Variants in CSMD2 observed in about 807,000 individuals in gnomAD.
CSMD2 encodes CUB and sushi domain-containing protein 2.
A neutral mutation model predicts 398.5 loss-of-function variants in CSMD2; 130 were observed. The observed-to-expected ratio is 0.33, with a 90% confidence interval of 0.28 to 0.38. The LOEUF is 0.38. Among genes scored for constraint, CSMD2 ranks in the 10% least tolerant of loss-of-function variants. The probability of loss-of-function intolerance (pLI) is 1.00; values close to 1 mark genes in which losing one functional copy is unlikely to be tolerated. For synonymous variants in CSMD2, 1,828 were observed against 1,908.5 expected, an observed-to-expected ratio of 0.96 and a Z score of 1.10; for missense variants, 3,829 against 4,764.9, an observed-to-expected ratio of 0.80 and a Z score of 5.78.
At chr1:33,850,758 T>C (rs892502687) in intron 5 of CSMD2, among the ~76,000 whole-genome samples, 1 of 152,202 alleles carries the variant, frequency 6.6e-6, no homozygotes, top group African/African-American at 2.4e-5. Flanking sequence ...CAATTTTTTT[T>C]TTCTTTTTGG....
intron 25 of CSMD2, among the ~76,000 whole-genome samples, chr1:33,668,688 C>T (rs1225647811): frequency 6.6e-6 from 1 of 152,140 alleles, no homozygotes; most frequent in Non-Finnish European, 1.5e-5. Context: ...GTACTGTGCC[C>T]CTAGGTAGGA....
chr1:34,024,421 G>A (rs1239591376), intron 3 of CSMD2, among the ~76,000 whole-genome samples: 1 of 152,208 alleles, frequency 6.6e-6, no homozygotes, highest in Non-Finnish European at 1.5e-5. Context: ...TCATCTTAAA[G>A]CTATGTTAAT....
At chr1:34,000,271 G>A (rs1000901626) in intron 3 of CSMD2, among the ~76,000 whole-genome samples, 22 of 152,000 alleles carry the variant, frequency 1.4e-4, no homozygotes, top group African/African-American at 3.6e-4. Context: ...AGTGTCCCGC[G>A]GAAACCTCTT....
rs558831771 is a variant in CSMD2, at chr1:33,768,533, T to C, written c.1846+4036A>G. Among the ~76,000 whole-genome samples the C allele has an allele frequency of 2.5e-4, 30 of 118,368 alleles. No homozygotes were observed. In the South Asian group the frequency reaches 7.8e-3, roughly 31 times the overall value. 77.7% of individuals were successfully genotyped at this position (118,368 alleles called of 152,430 possible). On this transcript the variant is annotated intron_variant, in intron 13 of 70. Transcript: ENST00000373381. ...CCCAATTCATCCCGGAATGTGTGCGTGCATGTGTGTGTGTGTGTGTGTGTG... is the reference window on the plus strand; with the variant it reads ...CCCAATTCATCCCGGAATGTGTGCGCGCATGTGTGTGTGTGTGTGTGTGTG...
At chr1:33,845,329 T>A (rs1184470781) in intron 6 of CSMD2, among the ~76,000 whole-genome samples, 1 of 152,148 alleles carries the variant, frequency 6.6e-6, no homozygotes, top group African/African-American at 2.4e-5. Context: ...CACTTTACTG[T>A]GGGGAGTACT....
At chr1:33,647,023 A>T (rs1042537236) in intron 28 of CSMD2, among the ~76,000 whole-genome samples, 188 bp from the exon 29 acceptor site, 2 of 152,158 alleles carry the variant, frequency 1.3e-5, no homozygotes, top group African/African-American at 4.8e-5. Flanking sequence ...GTCAGGTGAG[A>T]AGATGGAAGA....
rs745495781 is a variant in CSMD2, at chr1:33,665,460, CTTTTTTT to C, written c.4053-2375_4053-2369del. ...GACTTGTATAGTTTCTTTCTTCTCT[CTTTTTTT>C]TTTTTTTTTTTTTTTTTTTGCGACA... On this transcript the variant is annotated intron_variant, in intron 25 of 70. Transcript: ENST00000373381. 1.3e-3 allele frequency among the ~76,000 whole-genome samples: 94 copies of C among 73,920 alleles called. 1 individual carries two copies. In the East Asian group the frequency reaches 0.021, roughly 17 times the overall value. 48.5% of individuals were successfully genotyped at this position (73,920 alleles called of 152,430 possible). A position where few individuals can be genotyped will look rare whatever the true frequency, so the allele number is the denominator to read the frequency against.
chr1:34,024,980 T>C (rs773378500), intron 3 of CSMD2, among the ~76,000 whole-genome samples: 7 of 152,316 alleles, frequency 4.6e-5, no homozygotes, highest in Admixed American at 6.5e-5. Context: ...ATTTCTCCCA[T>C]GTACTTGCTT....
chr1:33,885,191 A>G (rs1309799416), intron 5 of CSMD2: 5 of 152,218 alleles, frequency 3.3e-5, no homozygotes, highest in African/African-American at 1.2e-4. Flanking sequence ...TTAAGCCCAC[A>G]TTGTTTGACT....
intron 57 of CSMD2, among the ~76,000 whole-genome samples, chr1:33,543,709 C>T (rs1314751140): frequency 6.6e-6 from 1 of 152,204 alleles, no homozygotes; most frequent in Non-Finnish European, 1.5e-5. Flanking sequence ...CTAATTCTAT[C>T]CTTCTTTCTG....
chr1:33,775,961 A>G (rs1651911383), intron 12 of CSMD2, among the ~76,000 whole-genome samples: 1 of 152,192 alleles, frequency 6.6e-6, no homozygotes. Context: ...AAGTTTACAT[A>G]GGATTGAAAA....
chr1:33,580,678 G>A (rs1195789902), intron 48 of CSMD2, 75 bp downstream of exon 48: 55 of 1,535,536 alleles, frequency 3.6e-5, no homozygotes, highest in East Asian at 6.9e-5. Context: ...GGGAATGGCC[G>A]CCCGGTCTCC....
intron 13 of CSMD2, among the ~76,000 whole-genome samples, chr1:33,750,718 C>G (rs112232047): frequency 1.3e-5 from 2 of 152,088 alleles, no homozygotes; most frequent in African/African-American, 4.8e-5. Flanking sequence ...TTGAAATTAG[C>G]AGAGAGAGGG....
At chr1:33,724,779 T>A in intron 17 of CSMD2, 75 bp from the exon 18 acceptor site, 1 of 1,359,226 alleles carries the variant, frequency 7.4e-7, no homozygotes, top group Non-Finnish European at 1.0e-6. Context: ...CTCCAAAGAG[T>A]AAGAAGAGAG....
intron 2 of CSMD2, among the ~76,000 whole-genome samples, chr1:34,065,432 A>C (rs1397699176): frequency 6.6e-6 from 1 of 152,056 alleles, no homozygotes; most frequent in African/African-American, 2.4e-5. Flanking sequence ...CACATTCTAA[A>C]CCATCCCCAA....
At chr1:33,650,074 G>A (rs771384976) in intron 28 of CSMD2, among the ~76,000 whole-genome samples, 4 of 152,144 alleles carry the variant, frequency 2.6e-5, no homozygotes, top group African/African-American at 7.2e-5. Context: ...GAAGGGTTTC[G>A]GAGGGAGTGA....
intron 38 of CSMD2, among the ~76,000 whole-genome samples, 185 bp downstream of exon 38, chr1:33,617,314 T>A (rs1193548158): frequency 1.3e-5 from 2 of 152,228 alleles, no homozygotes; most frequent in African/African-American, 2.4e-5. Flanking sequence ...GGTTGGCTTG[T>A]GCCAAATTGT....
chr1:33,551,997 G>A (rs1274649472), intron 55 of CSMD2, among the ~76,000 whole-genome samples: 6 of 152,140 alleles, frequency 3.9e-5, no homozygotes, highest in South Asian at 2.1e-4. Flanking sequence ...AGGCCATCTC[G>A]GATCTTCTAG....
At chr1:33,782,991 T>G (rs1290140550) in intron 12 of CSMD2, among the ~76,000 whole-genome samples, 1 of 152,044 alleles carries the variant, frequency 6.6e-6, no homozygotes, top group African/African-American at 2.4e-5. Context: ...CGATGCTGGT[T>G]GGGAAGACTC....
Sources: allele counts gnomAD v4.1 joint callset (sites outside exome capture counted in the v4.1 genomes callset), GRCh38; gene constraint gnomAD v4.1.1; transcripts MANE v1.5; gene names NCBI Gene and HGNC (gene_info 2026-07-23, HGNC 2026-07-21).